The following CCDC158 variants were observed in gnomAD, a reference collection of about 807,000 sequenced individuals.
CCDC158 encodes coiled-coil domain containing 158.
CCDC158 carries 116 observed loss-of-function variants against 138.6 expected under a neutral mutation model. The observed-to-expected ratio is 0.84, with a 90% confidence interval of 0.72 to 0.98. The LOEUF (loss-of-function observed/expected upper bound fraction) is 0.98. Among genes scored for constraint, CCDC158 ranks in the 50% least tolerant of loss-of-function variants. The probability of loss-of-function intolerance (pLI) is 0.00; values close to 1 mark genes in which losing one functional copy is unlikely to be tolerated. For synonymous variants in CCDC158, 436 were observed against 442.4 expected, an observed-to-expected ratio of 0.99 and a Z score of 0.18; for missense variants, 1,265 against 1,306.1, an observed-to-expected ratio of 0.97 and a Z score of 0.48.
intron 4 of CCDC158, among the ~76,000 whole-genome samples, chr4:76,386,946 A>G (rs1055989667): frequency 3.9e-5 from 6 of 152,190 alleles, no homozygotes; most frequent in African/African-American, 1.4e-4. Flanking sequence ...CCTCACCACC[A>G]CATGCTGAAA....
In CCDC158 at chr4:76,366,691, G is replaced by T. The variant is rs150608545; in HGVS notation, c.1830+603C>A. ...TAGAATGTGAACCAGGTTTTAACAGGTACAAATAAAGTATGAGAAAGTTCA... is the reference window on the plus strand; with the variant it reads ...TAGAATGTGAACCAGGTTTTAACAGTTACAAATAAAGTATGAGAAAGTTCA... On this transcript the variant is annotated intron_variant, in intron 12 of 24. Coordinates refer to ENST00000682701, the MANE Select transcript of CCDC158 (RefSeq NM_001394954.1). 5.6e-3 allele frequency among the ~76,000 whole-genome samples: 852 copies of T among 150,936 alleles called. 11 individuals carry two copies. The highest frequency in any genetic ancestry group is 0.019 in the African/African-American group (800 of 41,162).
chr4:76,357,825 A>T (rs1578961540), intron 13 of CCDC158, among the ~76,000 whole-genome samples: 1 of 152,090 alleles, frequency 6.6e-6, no homozygotes, highest in Admixed American at 6.6e-5. Flanking sequence ...TTCTTGGATG[A>T]CCGTGTTCAC....
intron 13 of CCDC158, among the ~76,000 whole-genome samples, 194 bp downstream of exon 13, chr4:76,361,932 G>C (rs540924750): frequency 8.7e-4 from 133 of 152,186 alleles, no homozygotes; most frequent in Non-Finnish European, 1.5e-3. Context: ...GTTAAGGTCA[G>C]TAAGTGTAAG....
intron 24 of CCDC158, among the ~76,000 whole-genome samples, chr4:76,316,386 A>G: frequency 6.6e-6 from 1 of 152,198 alleles, no homozygotes; most frequent in East Asian, 1.9e-4. Context: ...AGGCTTTCAA[A>G]TTAGCCCAAT....
chr4:76,401,723 G>C (rs1212388238), intron 3 of CCDC158, among the ~76,000 whole-genome samples: 1 of 152,118 alleles, frequency 6.6e-6, no homozygotes, highest in East Asian at 1.9e-4. Context: ...AAAATAATAA[G>C]AATTTAAGAG....
At chr4:76,332,122 G>A (rs1486568772) in intron 20 of CCDC158, among the ~76,000 whole-genome samples, 1 of 152,026 alleles carries the variant, frequency 6.6e-6, no homozygotes, top group African/African-American at 2.4e-5. Context: ...CAAAAGTTAT[G>A]TAAGCCATTG....
intron 18 of CCDC158, among the ~76,000 whole-genome samples, chr4:76,336,273 CTT>C (rs1721500226): frequency 6.8e-6 from 1 of 146,038 alleles, no homozygotes; most frequent in Admixed American, 6.9e-5. Flanking sequence ...CTTTTATTGA[CTT>C]TATCCCAATA....
intron 4 of CCDC158, among the ~76,000 whole-genome samples, chr4:76,389,826 GA>G (rs1379182823): frequency 2.0e-5 from 3 of 152,022 alleles, no homozygotes; most frequent in South Asian, 2.1e-4. Context: ...AGTGCTGAAA[GA>G]AAAAAACCAT....
intron 18 of CCDC158, among the ~76,000 whole-genome samples, chr4:76,340,464 T>C (rs1385551904): frequency 6.6e-6 from 1 of 152,200 alleles, no homozygotes; most frequent in Non-Finnish European, 1.5e-5. Context: ...TAAAAGTATG[T>C]TTGAGACAAC....
At chr4:76,375,499 T>A in intron 9 of CCDC158, 1 of 694,308 alleles carries the variant, frequency 1.4e-6, no homozygotes, top group East Asian at 2.7e-5. Context: ...AGTATATAGC[T>A]CCAGCCAGTG....
At chr4:76,377,438 T>G (rs1453516959) in intron 9 of CCDC158, among the ~76,000 whole-genome samples, 1 of 152,204 alleles carries the variant, frequency 6.6e-6, no homozygotes, top group Non-Finnish European at 1.5e-5. Context: ...ATTGTCAGAT[T>G]GTCAGCTCTC....
At chr4:76,413,967 G>T (rs564869054) in intron 1 of CCDC158, among the ~76,000 whole-genome samples, 45 of 151,944 alleles carry the variant, frequency 3.0e-4, no homozygotes, top group Non-Finnish European at 5.3e-4. Flanking sequence ...TTTGAGACAG[G>T]GTCTCACTTT....
chr4:76,373,109 A>T (rs1183703491), intron 9 of CCDC158, among the ~76,000 whole-genome samples: 1 of 152,154 alleles, frequency 6.6e-6, no homozygotes, highest in Non-Finnish European at 1.5e-5. Context: ...TCAGCCTCCC[A>T]AAGTGCTGGG....
At chr4:76,364,802 A>G (rs1410743176) in intron 12 of CCDC158, among the ~76,000 whole-genome samples, 1 of 152,216 alleles carries the variant, frequency 6.6e-6, no homozygotes, top group East Asian at 1.9e-4. Context: ...CAGCAGTTTA[A>G]CTGTGGAGAC....
rs1222515819 is a variant in CCDC158 at position 76,367,580 on chromosome 4, G to A, written c.1544C>T (p.Thr515Ile). The A allele has an allele frequency of 6.2e-6, 10 of 1,614,064 alleles. No homozygotes were observed. Among genetic ancestry groups the A allele is most frequent in the Non-Finnish European group, 8.5e-6 (10 of 1,180,048 alleles). Residue 515 changes from threonine to isoleucine, a missense_variant, in exon 12 of 25, where the codon ACC becomes ATC. Thr to Ile is a moderately conservative substitution (Grantham distance 89). Coordinates refer to ENST00000682701, the MANE Select transcript of CCDC158 (RefSeq NM_001394954.1). Reference protein sequence around the residue: ...LQEKERAIEATNAEITKLRSR... With the variant: ...LQEKERAIEAINAEITKLRSR... ...GCGGAGCTTTGTGATCTCTGCATTGGTAGCCTCGATGGCTCTCTCTTTTTC... is the reference window on the plus strand; with the variant it reads ...GCGGAGCTTTGTGATCTCTGCATTGATAGCCTCGATGGCTCTCTCTTTTTC...
intron 3 of CCDC158, among the ~76,000 whole-genome samples, chr4:76,397,785 GC>G (rs1458079052): frequency 3.9e-5 from 6 of 152,178 alleles, no homozygotes; most frequent in Non-Finnish European, 2.9e-5. Flanking sequence ...CCAAGCTTTA[GC>G]CACTGAAAGG....
At chr4:76,337,990 C>T (rs1471896261) in intron 18 of CCDC158, among the ~76,000 whole-genome samples, 1 of 152,156 alleles carries the variant, frequency 6.6e-6, no homozygotes, top group Non-Finnish European at 1.5e-5. Flanking sequence ...GTGAGTGAAG[C>T]TTCATCTGTC....
chr4:76,332,201 G>A (rs867713904), intron 20 of CCDC158, among the ~76,000 whole-genome samples: 1 of 152,094 alleles, frequency 6.6e-6, no homozygotes, highest in Non-Finnish European at 1.5e-5. Context: ...AGCTTCATAT[G>A]GATAAACATC....
At chr4:76,377,209 GATA>G (rs911531712) in intron 9 of CCDC158, among the ~76,000 whole-genome samples, 8 of 152,162 alleles carry the variant, frequency 5.3e-5, no homozygotes, top group Admixed American at 3.3e-4. Flanking sequence ...CTTCTGAAAG[GATA>G]ATTTTTCCAA....
Sources: allele counts gnomAD v4.1 joint callset (sites outside exome capture counted in the v4.1 genomes callset), GRCh38; gene constraint gnomAD v4.1.1; transcripts MANE v1.5; gene names NCBI Gene and HGNC (gene_info 2026-07-23, HGNC 2026-07-21).